Variants in EFCC1 observed in about 807,000 individuals in gnomAD.
EFCC1 encodes the protein EF-hand and coiled-coil domain-containing protein 1.
Under a neutral mutation model 52.1 loss-of-function variants are expected in EFCC1, and 50 were observed. The ratio of observed to expected loss-of-function variants is 0.96; its 90% CI spans 0.76 to 1.21. The LOEUF (loss-of-function observed/expected upper bound fraction) is 1.21, where lower values mean the gene tolerates loss of function less well. EFCC1 is among the 50% of genes most tolerant of loss of function. EFCC1 has a pLI of 0.00. For synonymous variants in EFCC1, 399 were observed against 396.5 expected (o/e 1.01, Z -0.08); for missense variants, 837 against 867.3 (o/e 0.97, Z 0.44).
At chr3:129,031,812 GA>G (rs1311164666) in intron 3 of EFCC1, among the ~76,000 whole-genome samples, 1 of 152,184 alleles carries the variant, frequency 6.6e-6, no homozygotes, top group East Asian at 1.9e-4. Flanking sequence ...TCCCAAGCCA[GA>G]AGCATGGAGG....
In EFCC1 at chr3:129,037,123, C is replaced by T. The variant is rs1205432409; in HGVS notation, c.1593+6C>T. 3 of 1,598,558 alleles carry T rather than the reference C, an allele frequency of 1.9e-6. No individual in the cohort carries two copies. The African/African-American group carries it at 4.0e-5, about 21-fold the overall frequency. On this transcript the variant is annotated splice_donor_region_variant and intron_variant, in intron 6 of 7. Transcript: ENST00000683648. ...TGCAGAGGCTCCGGGACCTGGTAGG[C>T]TCACGGGAGAGCTGCCACACTCAGG...
chr3:129,036,953 G>A, intron 5 of EFCC1, 24 bp from the exon 6 acceptor site: 1 of 1,613,612 alleles, frequency 6.2e-7, no homozygotes, highest in Non-Finnish European at 8.5e-7. Context: ...AGCAAAGTGA[G>A]CACTGAGCCC....
intron 2 of EFCC1, among the ~76,000 whole-genome samples, chr3:129,028,768 G>A (rs1410064931): frequency 2.0e-5 from 3 of 151,574 alleles, no homozygotes; most frequent in East Asian, 1.9e-4. Flanking sequence ...TTGGCCTCCC[G>A]AGTAGCTGGG....
rs371632023 is a variant in EFCC1, at chr3:129,024,716, C to T, written c.981-5987C>T. Among the ~76,000 whole-genome samples the T allele has an allele frequency of 2.0e-4, 30 of 152,186 alleles. 1 individual carries two copies. Among genetic ancestry groups the T allele is most frequent in the East Asian group, 9.7e-4 (5 of 5,162 alleles). On this transcript the variant is annotated intron_variant, in intron 2 of 7. Transcript: ENST00000683648. ...GCATTCCTGTATCTGGAGCCCACTCCTGCAGTAATGGTGTGGATCCACTCG... is the reference window on the plus strand; with the variant it reads ...GCATTCCTGTATCTGGAGCCCACTCTTGCAGTAATGGTGTGGATCCACTCG...
chr3:129,021,626 T>G (rs771684129), intron 2 of EFCC1, among the ~76,000 whole-genome samples: 20 of 151,226 alleles, frequency 1.3e-4, no homozygotes, highest in Non-Finnish European at 2.4e-4. Flanking sequence ...GCTTGTACTG[T>G]GAGTCTGCGC....
intron 1 of EFCC1, chr3:129,002,605 C>T (rs576985277): frequency 1.6e-5 from 8 of 501,182 alleles, no homozygotes; most frequent in South Asian, 1.2e-4. Flanking sequence ...CACATCATCG[C>T]GTCTTGCCCC....
intron 2 of EFCC1, among the ~76,000 whole-genome samples, chr3:129,025,526 T>C (rs374521314): frequency 3.9e-5 from 6 of 152,182 alleles, no homozygotes; most frequent in Non-Finnish European, 1.5e-5. Context: ...GCATGTGTAG[T>C]AGGCACAGTG....
chr3:129,039,919 A>C lies in EFCC1; in HGVS notation c.*71A>C. ...TTGGACCAGCCTCCATGATCAGCCC[A>C]ACCACTGACAGCTGGTCTGACCACC... On this transcript the variant is annotated 3_prime_UTR_variant, in exon 8 of 8. Transcript: ENST00000683648. 1 of 1,508,710 alleles carries C rather than the reference A, an allele frequency of 6.6e-7. No individual in the cohort carries two copies. Among genetic ancestry groups the C allele is most frequent in the Non-Finnish European group, 8.9e-7 (1 of 1,122,996 alleles). The allele number at this position is 1,508,710 out of a possible 1,614,324, so 93.5% of individuals were successfully genotyped here.
At chr3:129,029,596 G>T (rs1576777745) in intron 2 of EFCC1, among the ~76,000 whole-genome samples, 1 of 131,672 alleles carries the variant, frequency 7.6e-6, no homozygotes, top group Admixed American at 7.3e-5. Flanking sequence ...TTTTTTTTTT[G>T]AGATGGAGTC....
chr3:129,002,941 A>G (rs1389503646), intron 1 of EFCC1, among the ~76,000 whole-genome samples: 1 of 152,138 alleles, frequency 6.6e-6, no homozygotes, highest in African/African-American at 2.4e-5. Flanking sequence ...AGAAGAAACC[A>G]TGGGGTGAGA....
chr3:129,032,989 G>A (rs1946301241), intron 4 of EFCC1, 23 bp downstream of exon 4: 2 of 1,503,836 alleles, frequency 1.3e-6, no homozygotes, highest in East Asian at 5.0e-5. Context: ...TCCAGCGTCA[G>A]CCACTGTGGG....
chr3:129,010,496 T>A lies in EFCC1; in HGVS notation c.980+6419T>A, dbSNP rs1200937258. Among the ~76,000 whole-genome samples, 1 of 58,964 alleles carries A rather than the reference T, an allele frequency of 1.7e-5. No homozygotes were observed. Among genetic ancestry groups the A allele is most frequent in the South Asian group, 5.7e-4 (1 of 1,742 alleles). The allele number at this position is 58,964 out of a possible 152,430, so 38.7% of individuals were successfully genotyped here. A position where few individuals can be genotyped will look rare whatever the true frequency, so the allele number is the denominator to read the frequency against. On this transcript the variant is annotated intron_variant, in intron 2 of 7. Coordinates refer to ENST00000683648, the MANE Select transcript of EFCC1 (RefSeq NM_001377500.1). This position sits in a 1 kb window ranked among gnomAD's most constrained non-coding sequence, Gnocchi z 4.3. ...TGTTGTTGGGGGAGGGTGAAAAGGC[T>A]GGGATGGAGGAAAGGGGGTGGGAGA... is the stretch of plus-strand genomic sequence containing the variant.
chr3:129,017,273 C>T (rs905562261), intron 2 of EFCC1, among the ~76,000 whole-genome samples: 8 of 152,230 alleles, frequency 5.3e-5, no homozygotes, highest in South Asian at 2.1e-4. Context: ...AGGCCACAGT[C>T]GGGGTTGAGC....
intron 2 of EFCC1, among the ~76,000 whole-genome samples, chr3:129,022,077 T>A (rs1945873328): frequency 6.6e-6 from 1 of 152,238 alleles, no homozygotes; most frequent in Non-Finnish European, 1.5e-5. Context: ...TGCTGGTGTC[T>A]AAGCATTTAC....
At chr3:129,030,603 G>A (rs1946252497) in intron 2 of EFCC1, 100 bp from the exon 3 acceptor site, 1 of 1,348,294 alleles carries the variant, frequency 7.4e-7, no homozygotes, top group African/African-American at 1.5e-5. Context: ...CTCTGCCAGG[G>A]TGACAATGGG....
intron 2 of EFCC1, among the ~76,000 whole-genome samples, chr3:129,007,194 G>T (rs967805874): frequency 6.6e-6 from 1 of 152,170 alleles, no homozygotes; most frequent in South Asian, 2.1e-4. Context: ...AACATCGGCC[G>T]GACATTTTAC....
intron 2 of EFCC1, among the ~76,000 whole-genome samples, chr3:129,011,943 C>T (rs1945348595): frequency 6.6e-6 from 1 of 152,228 alleles, no homozygotes; most frequent in Admixed American, 6.5e-5. Context: ...TGCCCAGGCT[C>T]ACCCAGTAAA....
At chr3:129,024,484 T>C (rs1278509494) in intron 2 of EFCC1, among the ~76,000 whole-genome samples, 4 of 151,176 alleles carry the variant, frequency 2.6e-5, no homozygotes, top group Non-Finnish European at 4.4e-5. Context: ...TGAGCCGAGA[T>C]TGCACCACTG....
At chr3:129,031,196 G>C (rs1422851883) in intron 3 of EFCC1, among the ~76,000 whole-genome samples, 2 of 152,226 alleles carry the variant, frequency 1.3e-5, no homozygotes, top group African/African-American at 4.8e-5. Flanking sequence ...TTGAGAGGCT[G>C]AGGCGGGTAG....
Sources: allele counts gnomAD v4.1 joint callset (sites outside exome capture counted in the v4.1 genomes callset), GRCh38; gene constraint gnomAD v4.1.1; non-coding constraint Gnocchi (gnomAD v3.1); transcripts MANE v1.5; gene names NCBI Gene and HGNC (gene_info 2026-07-23, HGNC 2026-07-21).